Variants in CCDC27 observed in about 807,000 individuals in gnomAD.
CCDC27 encodes the protein coiled-coil domain-containing protein 27.
CCDC27 carries 80 observed loss-of-function variants against 80.3 expected under a neutral mutation model. The ratio of observed to expected loss-of-function variants is 1.00; its 90% CI spans 0.83 to 1.20. CCDC27 has a LOEUF of 1.20. Ranked by LOEUF, CCDC27 falls within the 50% of genes most tolerant of loss-of-function variation. The probability of loss-of-function intolerance (pLI) is 0.00; values close to 1 mark genes in which losing one functional copy is unlikely to be tolerated. For synonymous variants in CCDC27, 342 were observed against 334.3 expected, an observed-to-expected ratio of 1.02 and a Z score of -0.25; for missense variants, 815 against 809.4, an observed-to-expected ratio of 1.01 and a Z score of -0.08.
At position 3,765,035 on chromosome 1, in the gene CCDC27, C is replaced by CA. The variant is rs57991746; in HGVS notation, c.1452+1216dup. ...GGGCGACAAGAGCAAAACTCCATCT[C>CA]AAAAAAAAAAAAAAAAACGATGAAC... On this transcript the variant is annotated intron_variant, in intron 8 of 11. Transcript: ENST00000294600. Among the ~76,000 whole-genome samples, 895 of 114,980 alleles carry CA rather than the reference C, an allele frequency of 7.8e-3. 7 individuals are homozygous for CA. Among genetic ancestry groups the CA allele is most frequent in the Non-Finnish European group, 0.012 (622 of 53,354 alleles). The allele number at this position is 114,980 out of a possible 152,430, so 75.4% of individuals were successfully genotyped here. A position where few individuals can be genotyped will look rare whatever the true frequency, so the allele number is the denominator to read the frequency against.
In CCDC27 at chr1:3,752,707, C is replaced by T. The variant is rs796359964; in HGVS notation, c.226C>T (p.Arg76Trp). The change falls in exon 1 of 12, where the codon CGG (arginine) becomes TGG (tryptophan). Residue 76 changes from arginine (R) to tryptophan (W), a missense_variant. By Grantham distance (101) the Arg-to-Trp change is moderately radical. Transcript: ENST00000294600. ...ALVLLQSMAS[R>W]DARCPEWKPH... ...GGTGCTCCTCCAGAGCATGGCCAGC[C>T]GGGACGCCCGGTGCCCAGAATGGAA... 7.4e-5 allele frequency: 119 copies of T among 1,613,906 alleles called. 1 individual carries two copies. In the Admixed American group the frequency reaches 1.1e-3, roughly 15 times the overall value.
At position 3,763,069 on chromosome 1, in the gene CCDC27, C is replaced by A; in HGVS notation, c.955-39C>A. On this transcript the variant is annotated intron_variant, in intron 6 of 11. Coordinates refer to ENST00000294600, the MANE Select transcript of CCDC27 (RefSeq NM_152492.3). The surrounding 1 kb of genome is among the most constrained non-coding windows in gnomAD (Gnocchi z 7.5). ...TAGAGCCCTCTGCCCTGGGGGTGCCCCGCAGCCCTGCCCAGCCCCTGCCCT... is the reference window on the plus strand; with the variant it reads ...TAGAGCCCTCTGCCCTGGGGGTGCCACGCAGCCCTGCCCAGCCCCTGCCCT... The A allele has an allele frequency of 2.8e-6, 4 of 1,453,894 alleles. No homozygotes were observed. The highest frequency in any genetic ancestry group is 3.6e-6 in the Non-Finnish European group (4 of 1,102,222). 90.1% of individuals were successfully genotyped at this position (1,453,894 alleles called of 1,614,324 possible).
intron 4 of CCDC27, among the ~76,000 whole-genome samples, chr1:3,758,002 G>A (rs1255921342): frequency 1.3e-5 from 2 of 151,426 alleles, no homozygotes; most frequent in Non-Finnish European, 2.9e-5. Flanking sequence ...TGATCCACTC[G>A]CCTTGGCCTC....
In CCDC27 at chr1:3,763,063, G is replaced by T; in HGVS notation, c.955-45G>T. On this transcript the variant is annotated intron_variant, in intron 6 of 11. Coordinates refer to ENST00000294600, the MANE Select transcript of CCDC27 (RefSeq NM_152492.3). The surrounding 1 kb of genome is among the most constrained non-coding windows in gnomAD (Gnocchi z 7.5). ...GAGCATTAGAGCCCTCTGCCCTGGG[G>T]GTGCCCCGCAGCCCTGCCCAGCCCC... The T allele has an allele frequency of 2.1e-6, 3 of 1,451,366 alleles. No individual in the cohort carries two copies. In the East Asian group the frequency reaches 7.5e-5, roughly 36 times the overall value. The allele number at this position is 1,451,366 out of a possible 1,614,324, so 89.9% of individuals were successfully genotyped here. A position where few individuals can be genotyped will look rare whatever the true frequency, so the allele number is the denominator to read the frequency against.
chr1:3,763,901 G>C lies in CCDC27; in HGVS notation c.1452+65G>C. 1 of 1,571,232 alleles carries C rather than the reference G, an allele frequency of 6.4e-7. No homozygotes were observed. The highest frequency in any genetic ancestry group is 1.2e-5 in the South Asian group (1 of 86,910). ...TGGGCCCCAGGCTTCATTAACCCCCGGCAGCTCGGGGCAGGCGCTGCCCGT... is the reference window on the plus strand; with the variant it reads ...TGGGCCCCAGGCTTCATTAACCCCCCGCAGCTCGGGGCAGGCGCTGCCCGT... On this transcript the variant is annotated intron_variant, in intron 8 of 11. Coordinates refer to ENST00000294600, the MANE Select transcript of CCDC27 (RefSeq NM_152492.3). This position sits in a 1 kb window ranked among gnomAD's most constrained non-coding sequence, Gnocchi z 7.5.
chr1:3,754,296 C>G (rs113554610), intron 2 of CCDC27, 55 bp downstream of exon 2: 7 of 1,514,628 alleles, frequency 4.6e-6, no homozygotes, highest in South Asian at 3.9e-5. Flanking sequence ...GTCGAGGGGC[C>G]GGGGGAGGCC....
In CCDC27 at chr1:3,766,434, A is replaced by T; in HGVS notation, c.1453-101A>T. 4 of 728,444 alleles carry T rather than the reference A, an allele frequency of 5.5e-6. No individual in the cohort carries two copies. Among genetic ancestry groups the T allele is most frequent in the Non-Finnish European group, 9.4e-6 (4 of 426,362 alleles). The allele number at this position is 728,444 out of a possible 1,614,324, so 45.1% of individuals were successfully genotyped here. A position where few individuals can be genotyped will look rare whatever the true frequency, so the allele number is the denominator to read the frequency against. ...CTTCAATAGAAATCCCGCTGCTATT[A>T]TTTTAGGGAGCTTTGGGGAAGGAAA... On this transcript the variant is annotated intron_variant, in intron 8 of 11. Coordinates refer to ENST00000294600, the MANE Select transcript of CCDC27 (RefSeq NM_152492.3). This position sits in a 1 kb window ranked among gnomAD's most constrained non-coding sequence, Gnocchi z 6.1.
intron 4 of CCDC27, among the ~76,000 whole-genome samples, chr1:3,759,962 C>G (rs1487438373): frequency 1.3e-5 from 2 of 152,206 alleles, no homozygotes; most frequent in Non-Finnish European, 2.9e-5. Flanking sequence ...CCAGGAGCTC[C>G]AAGGGGCTCA....
intron 2 of CCDC27, among the ~76,000 whole-genome samples, chr1:3,755,031 C>T (rs533905325): frequency 2.6e-5 from 4 of 152,298 alleles, no homozygotes; most frequent in South Asian, 4.1e-4. Flanking sequence ...AGGGGCCACA[C>T]GGTGTCCTGG....
At chr1:3,767,751 G>A (rs1487175632) in intron 10 of CCDC27, among the ~76,000 whole-genome samples, 4 of 152,254 alleles carry the variant, frequency 2.6e-5, no homozygotes, top group Non-Finnish European at 5.9e-5. Flanking sequence ...TGGAAAGGAG[G>A]AGGGCACCTG....
chr1:3,768,620 G>T lies in CCDC27; in HGVS notation c.1744-1163G>T, dbSNP rs2124598091. 6.6e-6 allele frequency among the ~76,000 whole-genome samples: 1 copy of T among 152,304 alleles called. No individual in the cohort carries two copies. The highest frequency in any genetic ancestry group is 2.1e-4 in the South Asian group (1 of 4,828). On this transcript the variant is annotated intron_variant, in intron 10 of 11. Transcript: ENST00000294600. This position sits in a 1 kb window ranked among gnomAD's most constrained non-coding sequence, Gnocchi z 5.6. ...TAGTCCTGGTGAAAGCGTTAGACCAGAGGCGGTCTAGGTGTGTCCATTTGT... is the reference window on the plus strand; with the variant it reads ...TAGTCCTGGTGAAAGCGTTAGACCATAGGCGGTCTAGGTGTGTCCATTTGT...
intron 5 of CCDC27, among the ~76,000 whole-genome samples, 198 bp from the exon 6 acceptor site, chr1:3,762,422 C>T (rs961832380): frequency 2.0e-5 from 3 of 152,102 alleles, no homozygotes; most frequent in African/African-American, 7.2e-5. Context: ...AGCCCCACTG[C>T]CCCCCAGAAC....
Position 3,755,523 on chromosome 1 carries a change from A to G in CCDC27, c.509A>G (p.Gln170Arg). 3 of 1,614,180 alleles carry G rather than the reference A, an allele frequency of 1.9e-6. No homozygotes were observed. The South Asian group carries it at 3.3e-5, about 18-fold the overall frequency. ...DNSSETWRGTQDLFLARRGSD... is the reference protein window; with the variant it reads ...DNSSETWRGTRDLFLARRGSD... ...AGCTCGGAGACCTGGAGAGGCACCC[A>G]GGACCTGTTCTTGGCCAGGCGGGGC... is the stretch of plus-strand genomic sequence containing the variant. Residue 170 changes from glutamine (Q) to arginine (R), a missense_variant, in exon 3 of 12, where the codon CAG (glutamine) becomes CGG (arginine). Transcript: ENST00000294600.
At position 3,762,709 on chromosome 1, in the gene CCDC27, G is replaced by A. The variant is rs369668046; in HGVS notation, c.951G>A (p.Trp317Ter). The A allele has an allele frequency of 5.2e-6, 8 of 1,548,904 alleles. No homozygotes were observed. Among genetic ancestry groups the A allele is most frequent in the Non-Finnish European group, 6.1e-6 (7 of 1,146,546 alleles). Residue 317 changes from tryptophan (W) to a stop codon, truncating the protein, a stop_gained, in exon 6 of 12, where the codon TGG becomes TGA. Transcript: ENST00000294600. LOFTEE classifies it high-confidence loss of function. ...ATGAGGAGGAGCTGCAGCACTGGTGGCAGGTGCGGGCCGCCTGGAGAGCAG... is the reference window on the plus strand; with the variant it reads ...ATGAGGAGGAGCTGCAGCACTGGTGACAGGTGCGGGCCGCCTGGAGAGCAG... ...SRHEEELQHW[W>*]QMQEESAAPE... is the part of the protein sequence containing the mutation.
In CCDC27 at chr1:3,766,915, A is replaced by G. The variant is rs1439944891; in HGVS notation, c.1530+303A>G. 7.2e-6 allele frequency among the ~76,000 whole-genome samples: 1 copy of G among 139,214 alleles called. No individual in the cohort carries two copies. 91.3% of individuals were successfully genotyped at this position (139,214 alleles called of 152,430 possible). A position where few individuals can be genotyped will look rare whatever the true frequency, so the allele number is the denominator to read the frequency against. On this transcript the variant is annotated intron_variant, in intron 9 of 11. Transcript: ENST00000294600. The surrounding 1 kb of genome is among the most constrained non-coding windows in gnomAD (Gnocchi z 6.1). ...GAGTGCAGTGGTGTGATCTCAGCTC[A>G]CTGCAACCTCCGCCTCCTGGGTTCA...
In CCDC27 at chr1:3,767,407, C is replaced by A; in HGVS notation, c.1705C>A (p.Gln569Lys). ...SKKEMIQQAE[Q>K]HTRVALESSQ... ...GAAGGAGATGATTCAGCAGGCAGAG[C>A]AGCACACCCGCGTGGCCCTGGAGAG... The change falls in exon 10 of 12, where the codon CAG becomes AAG. Residue 569 changes from glutamine (Q) to lysine (K), a missense_variant. By Grantham distance (53) the Gln-to-Lys change is moderately conservative. Transcript: ENST00000294600. The A allele has an allele frequency of 6.2e-7, 1 of 1,613,484 alleles. No individual in the cohort carries two copies. Among genetic ancestry groups the A allele is most frequent in the Non-Finnish European group, 8.5e-7 (1 of 1,180,012 alleles).
At chr1:3,765,274 A>T (rs559371948) in intron 8 of CCDC27, among the ~76,000 whole-genome samples, 3 of 152,176 alleles carry the variant, frequency 2.0e-5, no homozygotes, top group African/African-American at 7.2e-5. Flanking sequence ...AAGTTGTAAG[A>T]TCCTATCTTT....
intron 4 of CCDC27, among the ~76,000 whole-genome samples, chr1:3,757,814 T>C (rs1028859516): frequency 2.0e-5 from 3 of 150,500 alleles, no homozygotes; most frequent in African/African-American, 7.3e-5. Context: ...CCCAGCTACT[T>C]GGGAGGCTGA....
intron 9 of CCDC27, 76 bp from the exon 10 acceptor site, chr1:3,767,157 A>G: frequency 2.8e-6 from 4 of 1,411,882 alleles, no homozygotes; most frequent in Non-Finnish European, 3.9e-6. Flanking sequence ...TCTTTTAGGA[A>G]AAAGTGGATG....
Sources: allele counts gnomAD v4.1 joint callset (sites outside exome capture counted in the v4.1 genomes callset), GRCh38; gene constraint gnomAD v4.1.1; non-coding constraint Gnocchi (gnomAD v3.1); transcripts MANE v1.5; gene names NCBI Gene and HGNC (gene_info 2026-07-23, HGNC 2026-07-21).